BMPER: variants seen among roughly 807,000 people sequenced by gnomAD.
The protein encoded by BMPER is BMP-binding endothelial regulator protein.
A neutral mutation model predicts 87.3 loss-of-function variants in BMPER; 45 were observed. The ratio of observed to expected loss-of-function variants is 0.52; its 90% CI spans 0.41 to 0.66. The LOEUF (loss-of-function observed/expected upper bound fraction) is 0.66. Ranked by LOEUF, BMPER falls within the 30% of genes least tolerant of loss-of-function variation. The pLI is 0.00. For synonymous variants in BMPER, 326 were observed against 316.2 expected (o/e 1.03, Z -0.33); for missense variants, 784 against 867.5 (o/e 0.90, Z 1.21).
At chr7:34,064,315 T>C (rs1415469091) in intron 11 of BMPER, among the ~76,000 whole-genome samples, 1 of 151,992 alleles carries the variant, frequency 6.6e-6, no homozygotes, top group African/African-American at 2.4e-5. Flanking sequence ...ACCAATCTTG[T>C]AAGAAGCAGT....
chr7:33,955,544 C>T (rs971887026), intron 3 of BMPER, among the ~76,000 whole-genome samples: 3 of 152,274 alleles, frequency 2.0e-5, no homozygotes, highest in Non-Finnish European at 2.9e-5. Flanking sequence ...TTGGACTACT[C>T]GTGGAAAAAC....
chr7:33,928,553 C>T (rs932660727), intron 2 of BMPER, among the ~76,000 whole-genome samples: 3 of 150,024 alleles, frequency 2.0e-5, no homozygotes, highest in African/African-American at 2.5e-5. Flanking sequence ...TTTGACACTG[C>T]CCTGTTTTAA....
chr7:33,985,718 C>T (rs538006077), intron 6 of BMPER, among the ~76,000 whole-genome samples: 1 of 151,600 alleles, frequency 6.6e-6, no homozygotes, highest in Admixed American at 6.6e-5. Context: ...ATATGTTTAT[C>T]AGCCATTTGT....
rs570030139 is a variant in BMPER at position 34,144,592 on chromosome 7, T to G, written c.1876+1232T>G. Among the ~76,000 whole-genome samples the G allele has an allele frequency of 5.8e-5, 6 of 104,092 alleles. No homozygotes were observed. The South Asian group carries it at 2.8e-3, about 49-fold the overall frequency. 68.3% of individuals were successfully genotyped at this position (104,092 alleles called of 152,430 possible). A position where few individuals can be genotyped will look rare whatever the true frequency, so the allele number is the denominator to read the frequency against. On this transcript the variant is annotated intron_variant, in intron 14 of 14. Transcript: ENST00000649409. ...GGAGAGGAAGGGAGAGAGTCTAGAT[T>G]TTAGAAATTTGCAATTTTACAATAA...
At chr7:34,093,401 C>G (rs1272014066) in intron 13 of BMPER, among the ~76,000 whole-genome samples, 1 of 152,174 alleles carries the variant, frequency 6.6e-6, no homozygotes. Context: ...TGCTTTTGGT[C>G]TTCAATTTCT....
intron 13 of BMPER, among the ~76,000 whole-genome samples, chr7:34,111,148 G>A (rs1043622923): frequency 6.6e-6 from 1 of 152,142 alleles, no homozygotes; most frequent in Non-Finnish European, 1.5e-5. Flanking sequence ...ATTGAGGAGA[G>A]GCAGCTTTTT....
chr7:34,107,115 A>G (rs937340266), intron 13 of BMPER, among the ~76,000 whole-genome samples: 2 of 152,102 alleles, frequency 1.3e-5, no homozygotes, highest in Non-Finnish European at 2.9e-5. Context: ...CTTATTTCCC[A>G]TCCTCTCAAC....
At chr7:33,947,563 G>A (rs978358229) in intron 3 of BMPER, among the ~76,000 whole-genome samples, 1 of 152,092 alleles carries the variant, frequency 6.6e-6, no homozygotes, top group Non-Finnish European at 1.5e-5. Flanking sequence ...ATCCTGTGAT[G>A]TCTCATGAAG....
At chr7:33,989,645 T>G (rs1402360128) in intron 6 of BMPER, among the ~76,000 whole-genome samples, 1 of 152,238 alleles carries the variant, frequency 6.6e-6, no homozygotes, top group African/African-American at 2.4e-5. Context: ...CAATTTTGCC[T>G]TTTGTTGCCA....
chr7:34,019,719 G>T (rs978477794), intron 6 of BMPER, among the ~76,000 whole-genome samples: 1 of 151,954 alleles, frequency 6.6e-6, no homozygotes, highest in Non-Finnish European at 1.5e-5. Flanking sequence ...ATTGTGGATG[G>T]GACAGACGTG....
chr7:34,012,432 C>T (rs1191207294), intron 6 of BMPER, among the ~76,000 whole-genome samples: 2 of 151,936 alleles, frequency 1.3e-5, no homozygotes, highest in African/African-American at 2.4e-5. Flanking sequence ...GTTAAGGAAA[C>T]TGACTCACTT....
Position 34,043,201 on chromosome 7 carries a change from G to C in BMPER, c.577-3105G>C, listed in dbSNP as rs148921343. On this transcript the variant is annotated intron_variant, in intron 6 of 14. Transcript: ENST00000649409. ...TAGGCTAATGAGATAATAAAGAACC[G>C]ATGCATCTGAATAATGTAACAAAAT... Among the ~76,000 whole-genome samples the C allele has an allele frequency of 5.4e-4, 82 of 152,312 alleles. 3 individuals carry two copies. The highest frequency in any genetic ancestry group is 3.4e-3 in the Middle Eastern group (1 of 294).
At chr7:34,052,186 T>C (rs62449750) in intron 8 of BMPER, among the ~76,000 whole-genome samples, 11 of 152,168 alleles carry the variant, frequency 7.2e-5, no homozygotes, top group Non-Finnish European at 1.6e-4. Flanking sequence ...AGAAGTTAGC[T>C]CCTTGTAGTG....
chr7:34,060,114 C>T (rs1408170440), intron 10 of BMPER, among the ~76,000 whole-genome samples: 1 of 152,114 alleles, frequency 6.6e-6, no homozygotes. Flanking sequence ...TGCAGCATGA[C>T]CAGAGTCTTA....
intron 13 of BMPER, among the ~76,000 whole-genome samples, chr7:34,128,793 G>A (rs1790469180): frequency 6.6e-6 from 1 of 152,100 alleles, no homozygotes; most frequent in African/African-American, 2.4e-5. Flanking sequence ...AGAGATAGAA[G>A]CTGTCATTGT....
At chr7:34,118,634 T>C (rs146684553) in intron 13 of BMPER, among the ~76,000 whole-genome samples, 81 of 152,302 alleles carry the variant, frequency 5.3e-4, no homozygotes, top group African/African-American at 1.9e-3. Flanking sequence ...ATGAGTATGA[T>C]ATTTAGTTTT....
intron 9 of BMPER, 129 bp downstream of exon 9, chr7:34,055,432 T>C (rs1788257825): frequency 8.6e-7 from 1 of 1,160,038 alleles, no homozygotes; most frequent in Non-Finnish European, 1.3e-6. Context: ...TGTGTGCATA[T>C]ATTAATAGAA....
intron 6 of BMPER, among the ~76,000 whole-genome samples, chr7:33,998,712 T>C (rs1786489682): frequency 1.3e-5 from 2 of 152,180 alleles, no homozygotes; most frequent in African/African-American, 4.8e-5. Context: ...TGGATCTGTG[T>C]GGGGAGCAGC....
At chr7:34,113,321 TGC>T in intron 13 of BMPER, among the ~76,000 whole-genome samples, 1 of 152,062 alleles carries the variant, frequency 6.6e-6, no homozygotes, top group East Asian at 1.9e-4. Flanking sequence ...TATTATCATA[TGC>T]AAGTGTTACC....
Sources: allele counts gnomAD v4.1 joint callset (sites outside exome capture counted in the v4.1 genomes callset), GRCh38; gene constraint gnomAD v4.1.1; transcripts MANE v1.5; gene names NCBI Gene and HGNC (gene_info 2026-07-23, HGNC 2026-07-21).